TNS3: variants seen among roughly 807,000 people sequenced by gnomAD.
TNS3 encodes the protein tensin-3.
TNS3 carries 45 observed loss-of-function variants against 140.9 expected under a neutral mutation model. The observed-to-expected ratio is 0.32, with a 90% CI of 0.25 to 0.41. The LOEUF (loss-of-function observed/expected upper bound fraction) is 0.41. TNS3 is among the 10% of genes least tolerant of loss of function. The pLI, the probability that TNS3 is intolerant of heterozygous loss-of-function variation, is 1.00. For synonymous variants in TNS3, 815 were observed against 788.4 expected, an observed-to-expected ratio of 1.03 and a Z score of -0.56; for missense variants, 1,716 against 1,906.7, an observed-to-expected ratio of 0.90 and a Z score of 1.86.
At chr7:47,347,243 T>A (rs1789396317) in intron 17 of TNS3, among the ~76,000 whole-genome samples, 1 of 152,202 alleles carries the variant, frequency 6.6e-6, no homozygotes, top group Non-Finnish European at 1.5e-5. Flanking sequence ...TTCATAAACA[T>A]GAGTGGCCCA....
intron 4 of TNS3, chr7:47,452,817 C>A: frequency 1.7e-6 from 1 of 599,856 alleles, no homozygotes; most frequent in Middle Eastern, 8.6e-4. Flanking sequence ...CTTGGAAATG[C>A]CCCTTCACTG....
At chr7:47,499,603 A>G (rs1798134804) in intron 3 of TNS3, among the ~76,000 whole-genome samples, 1 of 152,242 alleles carries the variant, frequency 6.6e-6, no homozygotes, top group Non-Finnish European at 1.5e-5. Context: ...TATCAAGTGA[A>G]GGAAGCCCAT....
intron 17 of TNS3, among the ~76,000 whole-genome samples, chr7:47,349,853 C>T (rs528579645): frequency 6.6e-6 from 1 of 152,342 alleles, no homozygotes; most frequent in Non-Finnish European, 1.5e-5. Flanking sequence ...AACGTTTATC[C>T]AGCAACAGTG....
intron 1 of TNS3, among the ~76,000 whole-genome samples, chr7:47,562,395 T>C (rs1800335283): frequency 1.3e-5 from 2 of 152,032 alleles, no homozygotes; most frequent in African/African-American, 2.4e-5. Flanking sequence ...CTTTTTTTTT[T>C]TTTTTTCCCA....
At chr7:47,400,618 A>G (rs1793099387) in intron 14 of TNS3, among the ~76,000 whole-genome samples, 160 bp from the exon 15 acceptor site, 1 of 152,244 alleles carries the variant, frequency 6.6e-6, no homozygotes, top group Non-Finnish European at 1.5e-5. Flanking sequence ...TTGGTTATCC[A>G]TAATTTTTTT....
intron 1 of TNS3, among the ~76,000 whole-genome samples, chr7:47,546,317 C>G (rs1799920226): frequency 6.6e-6 from 1 of 152,178 alleles, no homozygotes; most frequent in African/African-American, 2.4e-5. Flanking sequence ...CACCCCCTGG[C>G]CTCACACACA....
At position 47,394,195 on chromosome 7, in the gene TNS3, G is replaced by A. The variant is rs544397726; in HGVS notation, c.1024+2605C>T. Among the ~76,000 whole-genome samples the A allele has an allele frequency of 2.0e-5, 3 of 152,354 alleles. No homozygotes were observed. The East Asian group carries it at 5.8e-4, about 29-fold the overall frequency. ...ACGCATTGAGTATCTGCTATGGACT[G>A]AATATTTGTGTCCCCTAAGATTCAT... is the stretch of plus-strand genomic sequence containing the variant. On this transcript the variant is annotated intron_variant, in intron 16 of 30. Coordinates refer to ENST00000311160, the MANE Select transcript of TNS3 (RefSeq NM_022748.12).
chr7:47,408,105 G>A (rs1279944093), intron 13 of TNS3, among the ~76,000 whole-genome samples: 2 of 152,152 alleles, frequency 1.3e-5, no homozygotes, highest in Non-Finnish European at 2.9e-5. Context: ...TAGAAGACCA[G>A]GAGGAGATGG....
intron 4 of TNS3, among the ~76,000 whole-genome samples, chr7:47,448,358 T>C (rs1235825448): frequency 6.6e-6 from 1 of 152,148 alleles, no homozygotes; most frequent in African/African-American, 2.4e-5. Context: ...TGGGGTGGGA[T>C]CCCAGCTGGT....
At chr7:47,371,976 G>A (rs74553566) in intron 16 of TNS3, among the ~76,000 whole-genome samples, 1,823 of 152,314 alleles carry the variant, frequency 0.012, 40 homozygotes, top group African/African-American at 0.042. Context: ...CATAGCACAC[G>A]GGTGAGTGTC....
At chr7:47,484,964 CAG>C (rs1490519528) in intron 3 of TNS3, among the ~76,000 whole-genome samples, 1 of 152,208 alleles carries the variant, frequency 6.6e-6, no homozygotes, top group African/African-American at 2.4e-5. Flanking sequence ...CTGACTTATT[CAG>C]AGAGAGCAGC....
intron 1 of TNS3, among the ~76,000 whole-genome samples, chr7:47,542,576 C>T (rs1410496718): frequency 6.6e-6 from 1 of 152,190 alleles, no homozygotes; most frequent in Non-Finnish European, 1.5e-5. Context: ...AGTCCCACTG[C>T]TCCATGGCTT....
chr7:47,569,849 G>T (rs1450325421), intron 1 of TNS3, among the ~76,000 whole-genome samples: 1 of 147,232 alleles, frequency 6.8e-6, no homozygotes, highest in Non-Finnish European at 1.5e-5. Context: ...ACAAGACTCT[G>T]TCTCAATAAA....
At chr7:47,331,745 T>TGGCA (rs1295094565) in intron 20 of TNS3, among the ~76,000 whole-genome samples, 1 of 152,246 alleles carries the variant, frequency 6.6e-6, no homozygotes, top group Non-Finnish European at 1.5e-5. Flanking sequence ...GCTCAGAAAG[T>TGGCA]GGCAAATGCC....
chr7:47,432,848 G>A (rs975408597), intron 8 of TNS3, among the ~76,000 whole-genome samples: 9 of 152,338 alleles, frequency 5.9e-5, no homozygotes, highest in South Asian at 2.1e-4. Context: ...AAGAGGGCAC[G>A]ATAGGCTCAT....
chr7:47,566,818 T>C (rs889585004), intron 1 of TNS3, among the ~76,000 whole-genome samples: 2 of 152,028 alleles, frequency 1.3e-5, no homozygotes, highest in East Asian at 1.9e-4. Context: ...GGCAGGTGGA[T>C]CACCTGAGTG....
intron 16 of TNS3, among the ~76,000 whole-genome samples, chr7:47,394,373 A>G (rs1416857038): frequency 1.3e-5 from 2 of 152,204 alleles, no homozygotes; most frequent in East Asian, 3.9e-4. Context: ...GTGGAGACAC[A>G]AGAAGGCAGG....
intron 20 of TNS3, among the ~76,000 whole-genome samples, chr7:47,343,193 CA>C (rs1789117503): frequency 6.6e-6 from 1 of 152,186 alleles, no homozygotes; most frequent in Non-Finnish European, 1.5e-5. Flanking sequence ...CATCCACGCA[CA>C]GGACATGGAG....
At chr7:47,368,225 A>G in intron 17 of TNS3, 140 bp downstream of exon 17, 1 of 936,012 alleles carries the variant, frequency 1.1e-6, no homozygotes, top group South Asian at 3.3e-5. Flanking sequence ...GCCAAAATTC[A>G]CAAGAGTTGA....
Sources: gnomAD v4.1 joint callset for allele counts (sites outside exome capture counted in the v4.1 genomes callset) on GRCh38, gnomAD v4.1.1 for gene constraint, MANE v1.5 for transcripts, NCBI Gene and HGNC (gene_info 2026-07-23, HGNC 2026-07-21) for gene names.